The following DHRSX variants were observed in gnomAD, a reference collection of about 807,000 sequenced individuals.
The protein encoded by DHRSX is dehydrogenase/reductase X-linked.
Under a neutral mutation model 34.0 loss-of-function variants are expected in DHRSX, and 31 were observed. That is an observed-to-expected ratio of 0.91 (90% CI 0.69 to 1.23). DHRSX has a LOEUF of 1.23. Among genes scored for constraint, DHRSX ranks in the 50% most tolerant of loss-of-function variants. The pLI, the probability that DHRSX is intolerant of heterozygous loss-of-function variation, is 0.00. For synonymous variants in DHRSX, 201 were observed against 183.8 expected, an observed-to-expected ratio of 1.09 and a Z score of -0.76; for missense variants, 414 against 428.1, an observed-to-expected ratio of 0.97 and a Z score of 0.29.
intron 3 of DHRSX, among the ~76,000 whole-genome samples, chrX:2,315,891 T>TCA (rs1411451545): frequency 6.6e-6 from 1 of 152,144 alleles, no homozygotes; most frequent in Non-Finnish European, 1.5e-5. Context: ...AGACAGAGTC[T>TCA]CACTCTGTTG....
chrX:2,226,505 T>C (rs2015664200), intron 6 of DHRSX, among the ~76,000 whole-genome samples: 1 of 152,044 alleles, frequency 6.6e-6, no homozygotes, highest in African/African-American at 2.4e-5. Flanking sequence ...TTGTGATCTT[T>C]TTCCCCAAAG....
intron 3 of DHRSX, among the ~76,000 whole-genome samples, chrX:2,346,263 T>A (rs1273893327): frequency 1.3e-5 from 2 of 151,916 alleles, no homozygotes; most frequent in African/African-American, 2.4e-5. Flanking sequence ...CCCGAGTTGT[T>A]ATGTACCATC....
chrX:2,469,858 A>G (rs2044562102), intron 1 of DHRSX, among the ~76,000 whole-genome samples: 1 of 152,190 alleles, frequency 6.6e-6, no homozygotes, highest in African/African-American at 2.4e-5. Context: ...GCAAAACATC[A>G]GAGGAAAGAA....
At chrX:2,473,466 A>G (rs1341630709) in intron 1 of DHRSX, among the ~76,000 whole-genome samples, 3 of 151,938 alleles carry the variant, frequency 2.0e-5, no homozygotes, top group African/African-American at 7.3e-5. Flanking sequence ...TCTACTAAAA[A>G]TATAAAATTA....
intron 3 of DHRSX, among the ~76,000 whole-genome samples, chrX:2,296,339 A>C (rs1023733905): frequency 3.9e-5 from 6 of 152,098 alleles, no homozygotes; most frequent in African/African-American, 1.4e-4. Context: ...TCTGCCCCAG[A>C]GGGAGGGGAG....
At chrX:2,339,386 G>A (rs920805322) in intron 3 of DHRSX, among the ~76,000 whole-genome samples, 19 of 151,928 alleles carry the variant, frequency 1.3e-4, no homozygotes, top group Admixed American at 5.3e-4. Flanking sequence ...TAATCCGCTC[G>A]CCTCAGCCTC....
Position 2,324,106 on chromosome X carries a change from T to C in DHRSX, c.287-32503A>G, listed in dbSNP as rs759772126. Among the ~76,000 whole-genome samples, 4 of 152,224 alleles carry C rather than the reference T, an allele frequency of 2.6e-5. No individual in the cohort carries two copies. The South Asian group carries it at 8.3e-4, about 32-fold the overall frequency. ...GCACAAAGTTTTACGATGACTCTGCTTTGTAATTAAAAGTAATTTCTGCTT... is the reference window on the plus strand; with the variant it reads ...GCACAAAGTTTTACGATGACTCTGCCTTGTAATTAAAAGTAATTTCTGCTT... On this transcript the variant is annotated intron_variant, in intron 3 of 6. Coordinates refer to ENST00000334651, the MANE Select transcript of DHRSX (RefSeq NM_145177.3).
chrX:2,366,719 T>C (rs756921014), intron 3 of DHRSX, among the ~76,000 whole-genome samples: 1 of 151,836 alleles, frequency 6.6e-6, no homozygotes, highest in South Asian at 2.1e-4. Context: ...TGCCTCAGCA[T>C]CTTGAGAGGG....
intron 3 of DHRSX, among the ~76,000 whole-genome samples, chrX:2,348,246 A>C (rs1985330519): frequency 6.6e-6 from 1 of 152,184 alleles, no homozygotes. Context: ...GGCATCCTGG[A>C]AAGGTTGGAC....
intron 3 of DHRSX, among the ~76,000 whole-genome samples, chrX:2,303,534 T>G (rs1241682989): frequency 1.3e-5 from 2 of 152,074 alleles, no homozygotes; most frequent in African/African-American, 4.8e-5. Flanking sequence ...GCCTGAGGCC[T>G]CCCCAGAAGC....
At position 2,295,908 on chromosome X, in the gene DHRSX, C is replaced by T. The variant is rs188125848; in HGVS notation, c.287-4305G>A. On this transcript the variant is annotated intron_variant, in intron 3 of 6. Transcript: ENST00000334651. ...TTCTCATCGAAGACCATAAATAGTT[C>T]CCTTCCTCCCATACGTAGCCCATTC... Among the ~76,000 whole-genome samples, 733 of 152,224 alleles carry T rather than the reference C, an allele frequency of 4.8e-3. 8 individuals are homozygous for T. Among genetic ancestry groups the T allele is most frequent in the African/African-American group, 0.017 (708 of 41,538 alleles).
intron 3 of DHRSX, among the ~76,000 whole-genome samples, chrX:2,392,076 T>C (rs1177730956): frequency 1.3e-5 from 2 of 152,166 alleles, no homozygotes; most frequent in African/African-American, 4.8e-5. Flanking sequence ...GAAAACGCTG[T>C]CGTTCACCAT....
In DHRSX at chrX:2,328,985, G is replaced by C. The variant is rs181706370; in HGVS notation, c.287-37382C>G. ...CACAGAGGAGGATGAGTTCTACTCG[G>C]GGATGGTACCTACTAAGAGAGACAT... On this transcript the variant is annotated intron_variant, in intron 3 of 6. Transcript: ENST00000334651. Among the ~76,000 whole-genome samples, 8 of 152,240 alleles carry C rather than the reference G, an allele frequency of 5.3e-5. No individual in the cohort carries two copies. In the East Asian group the frequency reaches 1.5e-3, roughly 29 times the overall value.
At chrX:2,229,770 C>T (rs1008524232) in intron 6 of DHRSX, among the ~76,000 whole-genome samples, 6 of 151,528 alleles carry the variant, frequency 4.0e-5, no homozygotes, top group East Asian at 3.9e-4. Flanking sequence ...TGTGTGGGGG[C>T]GCAGATGTGC....
chrX:2,266,464 C>T (rs1426275184), intron 5 of DHRSX, among the ~76,000 whole-genome samples: 2 of 150,358 alleles, frequency 1.3e-5, no homozygotes, highest in South Asian at 2.1e-4. Context: ...AAGCACTGTT[C>T]CCAGAGCACC....
chrX:2,384,705 T>C (rs1259680940), intron 3 of DHRSX, among the ~76,000 whole-genome samples: 2 of 138,530 alleles, frequency 1.4e-5, no homozygotes, highest in African/African-American at 5.5e-5. Flanking sequence ...TATTTAAAAT[T>C]GAACAATGGG....
At chrX:2,253,920 G>C (rs1472649213) in intron 5 of DHRSX, among the ~76,000 whole-genome samples, 1 of 152,152 alleles carries the variant, frequency 6.6e-6, no homozygotes, top group Non-Finnish European at 1.5e-5. Flanking sequence ...AATTAGCCGG[G>C]TGTGGTGGCA....
intron 4 of DHRSX, among the ~76,000 whole-genome samples, chrX:2,270,886 A>C (rs35012995): frequency 6.6e-6 from 1 of 151,526 alleles, no homozygotes; most frequent in Admixed American, 6.6e-5. Context: ...GGACCAATCA[A>C]TGCTCTATAA....
intron 1 of DHRSX, among the ~76,000 whole-genome samples, chrX:2,426,766 TTCC>T (rs1056266295): frequency 6.0e-5 from 9 of 149,560 alleles, no homozygotes; most frequent in African/African-American, 2.2e-4. Context: ...TTCCCTTCCT[TTCC>T]TCTTTACTTC....
Sources: allele counts gnomAD v4.1 joint callset (sites outside exome capture counted in the v4.1 genomes callset), GRCh38; gene constraint gnomAD v4.1.1; transcripts MANE v1.5; gene names NCBI Gene and HGNC (gene_info 2026-07-23, HGNC 2026-07-21).